Variants in NELL2 observed in about 807,000 individuals in gnomAD.
NELL2 encodes neural EGFL like 2.
In NELL2, 41 loss-of-function variants were observed where a neutral mutation model predicts 109.6. That is an observed-to-expected ratio of 0.37 (90% confidence interval 0.29 to 0.49). The LOEUF is 0.49. Ranked by LOEUF, NELL2 falls within the 20% of genes least tolerant of loss-of-function variation. The pLI, the probability that NELL2 is intolerant of heterozygous loss-of-function variation, is 0.98. For missense variants in NELL2, 900 were observed against 1,008.3 expected (o/e 0.89, Z 1.45); for synonymous variants, 355 against 344.7 (o/e 1.03, Z -0.33).
At chr12:44,900,065 T>G (rs1455019865) in intron 1 of NELL2, among the ~76,000 whole-genome samples, 1 of 152,144 alleles carries the variant, frequency 6.6e-6, no homozygotes, top group African/African-American at 2.4e-5. Flanking sequence ...GAGATAACTA[T>G]CCTAAACATA....
chr12:44,760,770 T>TA (rs1566330711), intron 9 of NELL2, among the ~76,000 whole-genome samples: 1 of 151,924 alleles, frequency 6.6e-6, no homozygotes, highest in Non-Finnish European at 1.5e-5. Context: ...AAATTTAAAA[T>TA]AAAAAAAGAA....
Position 44,621,516 on chromosome 12 carries a change from C to T in NELL2, c.1445-10546G>A, listed in dbSNP as rs968323654. Among the ~76,000 whole-genome samples the T allele has an allele frequency of 3.2e-4, 49 of 152,166 alleles. 1 individual carries two copies. The highest frequency in any genetic ancestry group is 1.8e-3 in the Admixed American group (27 of 15,276). On this transcript the variant is annotated intron_variant, in intron 13 of 19. Coordinates refer to ENST00000429094, the MANE Select transcript of NELL2 (RefSeq NM_001145108.2). The stretch of plus-strand genomic sequence containing the variant: ...CAAAATCCTCTGCAGGATCTGGGGC[C>T]ATACTCAATAATTAAGTATTTCGGC...
intron 2 of NELL2, among the ~76,000 whole-genome samples, chr12:44,857,007 T>C (rs1328198270): frequency 6.6e-6 from 1 of 152,154 alleles, no homozygotes; most frequent in East Asian, 1.9e-4. Context: ...AGTGATCAGA[T>C]TACTTTACAC....
intron 9 of NELL2, among the ~76,000 whole-genome samples, chr12:44,762,645 A>G (rs1407815922): frequency 6.6e-6 from 1 of 152,126 alleles, no homozygotes. Flanking sequence ...ACCTTTCACA[A>G]CATGACACCT....
At chr12:44,709,864 G>A (rs1002486496) in intron 11 of NELL2, among the ~76,000 whole-genome samples, 1 of 152,196 alleles carries the variant, frequency 6.6e-6, no homozygotes, top group South Asian at 2.1e-4. Flanking sequence ...TGAATCCAAA[G>A]AGCATTCTTG....
At position 44,876,267 on chromosome 12, in the gene NELL2, C is replaced by A. The variant is rs1258842985; in HGVS notation, c.-398G>T. The A allele has an allele frequency of 9.6e-6, 11 of 1,148,798 alleles. No individual in the cohort carries two copies. The highest frequency in any genetic ancestry group is 1.2e-5 in the Non-Finnish European group (11 of 932,334). The allele number at this position is 1,148,798 out of a possible 1,614,324, so 71.2% of individuals were successfully genotyped here. On this transcript the variant is annotated 5_prime_UTR_variant, in exon 1 of 20. Transcript: ENST00000429094. ...AAGCCCGGGCTGGGGCGGCCCCGCA[C>A]CCCCCCGTCTTCCCCGCCGCCCGAA...
chr12:44,736,004 CTT>C (rs35988182), intron 9 of NELL2, among the ~76,000 whole-genome samples: 2,735 of 99,246 alleles, frequency 0.028, 62 homozygotes, highest in African/African-American at 0.089. Flanking sequence ...GCAGTTAATT[CTT>C]TTTTTTTTTT....
intron 9 of NELL2, among the ~76,000 whole-genome samples, chr12:44,754,409 T>C (rs1459006305): frequency 6.6e-6 from 1 of 152,188 alleles, no homozygotes; most frequent in Non-Finnish European, 1.5e-5. Flanking sequence ...GTTACCTAAA[T>C]GGAAATGTTA....
intron 9 of NELL2, among the ~76,000 whole-genome samples, chr12:44,719,882 ATTC>A (rs764639213): frequency 5.3e-5 from 8 of 152,164 alleles, no homozygotes; most frequent in Non-Finnish European, 1.2e-4. Flanking sequence ...GTATATTTGT[ATTC>A]TTATTATACA....
exon 1 of NELL2, chr12:44,913,850 T>C (rs374144): frequency 0.25 from 184,603 of 744,282 alleles, 25,519 homozygotes; most frequent in Admixed American, 0.44. Context: ...ATAATAATAA[T>C]GTCTAAAAGG....
intron 2 of NELL2, among the ~76,000 whole-genome samples, chr12:44,874,149 T>G (rs1027206091): frequency 2.0e-4 from 30 of 152,182 alleles, no homozygotes; most frequent in African/African-American, 7.2e-4. Flanking sequence ...TTTATTTTAT[T>G]TCTATTTCTT....
chr12:44,606,651 T>G (rs1945412967), intron 15 of NELL2, among the ~76,000 whole-genome samples: 1 of 152,052 alleles, frequency 6.6e-6, no homozygotes. Flanking sequence ...TCAGAAAGAG[T>G]AAGTTCAGAA....
At chr12:44,729,277 A>C (rs941753224) in intron 9 of NELL2, among the ~76,000 whole-genome samples, 3 of 152,130 alleles carry the variant, frequency 2.0e-5, no homozygotes, top group African/African-American at 4.8e-5. Context: ...TTAAGTTGTT[A>C]TCAACTTAAA....
intron 2 of NELL2, among the ~76,000 whole-genome samples, chr12:44,824,055 G>A (rs1408502480): frequency 6.6e-6 from 1 of 152,032 alleles, no homozygotes; most frequent in Non-Finnish European, 1.5e-5. Context: ...TGTTATTTAG[G>A]TTCTTTGCCC....
At chr12:44,883,429 T>C (rs573995252) in intron 1 of NELL2, among the ~76,000 whole-genome samples, 1 of 152,162 alleles carries the variant, frequency 6.6e-6, no homozygotes, top group African/African-American at 2.4e-5. Flanking sequence ...TAAGGATTTA[T>C]ATTTTTAGAT....
upstream of NELL2, chr12:44,876,747 C>T (rs1726077362): frequency 2.0e-6 from 3 of 1,510,472 alleles, no homozygotes; most frequent in Non-Finnish European, 2.7e-6. Context: ...CACTGGGCTC[C>T]GGAGCAGCCC....
chr12:44,687,071 G>A (rs1295055977), intron 12 of NELL2, among the ~76,000 whole-genome samples: 1 of 152,214 alleles, frequency 6.6e-6, no homozygotes, highest in African/African-American at 2.4e-5. Context: ...CACGGGCATA[G>A]GACCCTCCGA....
intron 2 of NELL2, among the ~76,000 whole-genome samples, chr12:44,822,040 A>G (rs1039480070): frequency 1.3e-5 from 2 of 151,952 alleles, no homozygotes; most frequent in African/African-American, 4.8e-5. Context: ...TTCTGGGATT[A>G]CAGGCATGAG....
At chr12:44,718,477 A>G (rs1009056746) in intron 9 of NELL2, among the ~76,000 whole-genome samples, 1 of 152,216 alleles carries the variant, frequency 6.6e-6, no homozygotes, top group African/African-American at 2.4e-5. Flanking sequence ...GTTTACAGCC[A>G]GAGGCTTCAT....
Sources: gnomAD v4.1 joint callset for allele counts (sites outside exome capture counted in the v4.1 genomes callset) on GRCh38, gnomAD v4.1.1 for gene constraint, MANE v1.5 for transcripts, NCBI Gene and HGNC (gene_info 2026-07-23, HGNC 2026-07-21) for gene names.